Variants in KCNJ15 observed in about 807,000 individuals in gnomAD.
The protein encoded by KCNJ15 is ATP-sensitive inward rectifier potassium channel 15.
Under a neutral mutation model 23.0 loss-of-function variants are expected in KCNJ15, and 14 were observed. The observed-to-expected ratio is 0.61, with a 90% CI of 0.40 to 0.95. The LOEUF (loss-of-function observed/expected upper bound fraction) is 0.95. Among genes scored for constraint, KCNJ15 ranks in the 40% least tolerant of loss-of-function variants. KCNJ15 has a pLI of 0.00. For missense variants in KCNJ15, 388 were observed against 461.8 expected, an observed-to-expected ratio of 0.84 and a Z score of 1.46; for synonymous variants, 185 against 183.2, an observed-to-expected ratio of 1.01 and a Z score of -0.08.
At chr21:38,273,307 T>C (rs1274418060) in intron 1 of KCNJ15, among the ~76,000 whole-genome samples, 1 of 152,212 alleles carries the variant, frequency 6.6e-6, no homozygotes, top group Non-Finnish European at 1.5e-5. Flanking sequence ...GGTTAACTCT[T>C]ACTGGCAATG....
chr21:38,293,152 A>G (rs1984793601), intron 1 of KCNJ15, among the ~76,000 whole-genome samples: 1 of 152,168 alleles, frequency 6.6e-6, no homozygotes, highest in South Asian at 2.1e-4. Flanking sequence ...GCTTACAGCA[A>G]CAAGAATTTT....
intron 1 of KCNJ15, among the ~76,000 whole-genome samples, chr21:38,242,602 C>T (rs1306949586): frequency 6.6e-6 from 1 of 152,146 alleles, no homozygotes; most frequent in Non-Finnish European, 1.5e-5. Context: ...TTCCCTAAGC[C>T]CTTGCCCTCG....
At chr21:38,243,421 AT>A (rs959757480) in intron 1 of KCNJ15, among the ~76,000 whole-genome samples, 9 of 151,338 alleles carry the variant, frequency 5.9e-5, no homozygotes, top group African/African-American at 2.0e-4. Flanking sequence ...GGCAGTAAAT[AT>A]TTTGAGTTTC....
At chr21:38,231,629 T>A (rs187232042) in intron 1 of KCNJ15, among the ~76,000 whole-genome samples, 21 of 146,920 alleles carry the variant, frequency 1.4e-4, no homozygotes, top group Middle Eastern at 3.5e-3. Context: ...GAAGAAGTTT[T>A]CCTCTATTCC....
Position 38,271,838 on chromosome 21 carries a change from T to C in KCNJ15, c.-117+14653T>C, listed in dbSNP as rs575786305. Among the ~76,000 whole-genome samples the C allele has an allele frequency of 5.1e-3, 773 of 152,288 alleles. 9 individuals carry two copies. Among genetic ancestry groups the C allele is most frequent in the African/African-American group, 0.017 (723 of 41,552 alleles). ...CCCATAGAAATTCACATGGTGCTTG[T>C]CTAAACCGAAGGCAGGTGAGATCCA... On this transcript the variant is annotated intron_variant, in intron 1 of 2. Coordinates refer to ENST00000398938, the MANE Select transcript of KCNJ15 (RefSeq NM_170736.3).
At chr21:38,262,688 T>G (rs953329483) in intron 1 of KCNJ15, among the ~76,000 whole-genome samples, 6 of 152,286 alleles carry the variant, frequency 3.9e-5, no homozygotes, top group African/African-American at 1.2e-4. Context: ...GACATCTTTT[T>G]TTTTTTTTGA....
chr21:38,298,403 C>G (rs1406493381), intron 2 of KCNJ15: 1 of 152,196 alleles, frequency 6.6e-6, no homozygotes, highest in Non-Finnish European at 1.5e-5. Context: ...AATTTTGGTG[C>G]CATACCTAAA....
chr21:38,271,742 T>C (rs546199016), intron 1 of KCNJ15, among the ~76,000 whole-genome samples: 85 of 152,296 alleles, frequency 5.6e-4, no homozygotes, highest in Non-Finnish European at 7.5e-4. Context: ...TCGCCATCAT[T>C]GTTCCATGCA....
intron 1 of KCNJ15, among the ~76,000 whole-genome samples, chr21:38,247,005 G>C (rs925770538): frequency 6.6e-6 from 1 of 152,070 alleles, no homozygotes; most frequent in African/African-American, 2.4e-5. Flanking sequence ...TGGATGGATG[G>C]ATGCATAGGT....
Position 38,306,464 on chromosome 21 carries a change from AAGAGT to A in KCNJ15, c.*6077_*6081del, listed in dbSNP as rs1434057283. ...TATGCAAATTTACTTAATATTATAG[AAGAGT>A]AAAGAGCTTCCAAGAAGGTGATTGG... On this transcript the variant is annotated 3_prime_UTR_variant, in exon 3 of 3. Transcript: ENST00000398938. The A allele has an allele frequency of 9.9e-5, 15 of 152,126 alleles. No homozygotes were observed. Among genetic ancestry groups the A allele is most frequent in the African/African-American group, 2.9e-4 (12 of 41,428 alleles). 9.4% of individuals were successfully genotyped at this position (152,126 alleles called of 1,614,324 possible). A position where few individuals can be genotyped will look rare whatever the true frequency, so the allele number is the denominator to read the frequency against.
At chr21:38,263,844 T>G (rs1450611764) in intron 1 of KCNJ15, among the ~76,000 whole-genome samples, 1 of 152,194 alleles carries the variant, frequency 6.6e-6, no homozygotes, top group African/African-American at 2.4e-5. Flanking sequence ...TTTACTTTCT[T>G]TCTGTTTCTT....
At chr21:38,287,298 A>T (rs113950637) in intron 1 of KCNJ15, among the ~76,000 whole-genome samples, 4,184 of 152,306 alleles carry the variant, frequency 0.027, 74 homozygotes, top group Non-Finnish European at 0.038. Flanking sequence ...CAGAGTTTTT[A>T]GTACTGGGAA....
chr21:38,253,875 G>C (rs1980006221), upstream of KCNJ15, among the ~76,000 whole-genome samples: 1 of 152,114 alleles, frequency 6.6e-6, no homozygotes, highest in Non-Finnish European at 1.5e-5. Flanking sequence ...GTGGAGGTGG[G>C]GGTTGGGGAG....
Position 38,290,866 on chromosome 21 carries a change from T to C in KCNJ15, c.-116-6060T>C, listed in dbSNP as rs1190373654. ...CAAAAGCTTGTTTCCAGCTCTAACC[T>C]TGTTACTGGCTCAGTAACCTTGAAC... On this transcript the variant is annotated intron_variant, in intron 1 of 2. Coordinates refer to ENST00000398938, the MANE Select transcript of KCNJ15 (RefSeq NM_170736.3). 2.0e-5 allele frequency among the ~76,000 whole-genome samples: 3 copies of C among 152,156 alleles called. No individual in the cohort carries two copies. In the East Asian group the frequency reaches 5.8e-4, roughly 29 times the overall value.
At chr21:38,281,918 C>G (rs1276040908) in intron 1 of KCNJ15, among the ~76,000 whole-genome samples, 1 of 152,144 alleles carries the variant, frequency 6.6e-6, no homozygotes, top group Non-Finnish European at 1.5e-5. Flanking sequence ...TCTTTGCAGC[C>G]TTGGCCAGCA....
At chr21:38,267,552 C>T (rs957009942) in intron 1 of KCNJ15, among the ~76,000 whole-genome samples, 1 of 152,162 alleles carries the variant, frequency 6.6e-6, no homozygotes, top group African/African-American at 2.4e-5. Flanking sequence ...TCTGCTGACC[C>T]ACTGGTAACC....
At chr21:38,288,508 A>G (rs1268396164) in intron 1 of KCNJ15, among the ~76,000 whole-genome samples, 3 of 152,310 alleles carry the variant, frequency 2.0e-5, no homozygotes, top group South Asian at 4.1e-4. Flanking sequence ...ACAACTCCAC[A>G]TTTATTTCAA....
Position 38,300,048 on chromosome 21 carries a change from C to A in KCNJ15, c.787C>A (p.Pro263Thr). The stretch of plus-strand genomic sequence containing the variant: ...CTACCATGTGCTGGATGAGACGAGC[C>A]CCCTGAGAGACCTCACACCCCAAAA... ...TFYHVLDETS[P>T]LRDLTPQNLK... Residue 263 changes from proline (P) to threonine (T), a missense_variant, in exon 3 of 3, where the codon CCC (proline) becomes ACC (threonine). Physicochemically the swap from Pro to Thr is conservative, Grantham distance 38. Transcript: ENST00000398938. 1 of 1,614,060 alleles carries A rather than the reference C, an allele frequency of 6.2e-7. No homozygotes were observed. Among genetic ancestry groups the A allele is most frequent in the Non-Finnish European group, 8.5e-7 (1 of 1,180,018 alleles).
At chr21:38,281,397 C>T (rs1217675847) in intron 1 of KCNJ15, among the ~76,000 whole-genome samples, 2 of 152,184 alleles carry the variant, frequency 1.3e-5, no homozygotes, top group African/African-American at 4.8e-5. Context: ...GAGCACAGTA[C>T]CTGACAGGTA....
Sources: allele counts gnomAD v4.1 joint callset (sites outside exome capture counted in the v4.1 genomes callset), GRCh38; gene constraint gnomAD v4.1.1; transcripts MANE v1.5; gene names NCBI Gene and HGNC (gene_info 2026-07-23, HGNC 2026-07-21).